The following ENPP6 variants were observed in gnomAD, a reference collection of about 807,000 sequenced individuals.
The protein encoded by ENPP6 is ectonucleotide pyrophosphatase/phosphodiesterase 6.
ENPP6 carries 32 observed loss-of-function variants against 42.0 expected under a neutral mutation model. The ratio of observed to expected loss-of-function variants is 0.76; its 90% CI spans 0.58 to 1.02. The LOEUF (loss-of-function observed/expected upper bound fraction) is 1.02. Ranked by LOEUF, ENPP6 falls within the 50% of genes least tolerant of loss-of-function variation. The pLI is 0.00. For missense variants in ENPP6, 552 were observed against 566.8 expected (o/e 0.97, Z 0.27); for synonymous variants, 213 against 216.0 (o/e 0.99, Z 0.12).
At chr4:184,093,974 A>G (rs17622534) in intron 7 of ENPP6, among the ~76,000 whole-genome samples, 55,930 of 151,966 alleles carry the variant, frequency 0.37, 11,199 homozygotes, top group East Asian at 0.62. Context: ...CAGGTGTCCC[A>G]CAGGCTTTCA....
chr4:184,118,791 T>G (rs1736367411), intron 3 of ENPP6, among the ~76,000 whole-genome samples: 1 of 152,148 alleles, frequency 6.6e-6, no homozygotes, highest in Admixed American at 6.5e-5. Context: ...CGAGTAGTCA[T>G]GCCTGCCCAC....
At chr4:184,206,288 C>T (rs878961470) in intron 1 of ENPP6, among the ~76,000 whole-genome samples, 3 of 109,160 alleles carry the variant, frequency 2.7e-5, no homozygotes, top group Admixed American at 1.2e-4. Flanking sequence ...GACGGAGTCT[C>T]GCTCTGTCGC....
At chr4:184,195,012 T>A (rs1579659656) in intron 1 of ENPP6, among the ~76,000 whole-genome samples, 1 of 78,496 alleles carries the variant, frequency 1.3e-5, no homozygotes, top group East Asian at 5.8e-4. Flanking sequence ...GGCTTGGGAG[T>A]CAGAGTCAGA....
intron 1 of ENPP6, among the ~76,000 whole-genome samples, chr4:184,177,261 C>T (rs967905231): frequency 1.3e-5 from 2 of 152,186 alleles, no homozygotes; most frequent in Non-Finnish European, 2.9e-5. Flanking sequence ...GGCCAGGCTA[C>T]CTCTTTAGGC....
chr4:184,120,187 G>T (rs1736393669), intron 3 of ENPP6, among the ~76,000 whole-genome samples: 1 of 152,136 alleles, frequency 6.6e-6, no homozygotes, highest in African/African-American at 2.4e-5. Flanking sequence ...CCTAGCCCCA[G>T]CCTGATTCCT....
At chr4:184,185,843 A>G (rs968870001) in intron 1 of ENPP6, among the ~76,000 whole-genome samples, 1 of 152,224 alleles carries the variant, frequency 6.6e-6, no homozygotes, top group Non-Finnish European at 1.5e-5. Context: ...ATTTCAAATA[A>G]TGTTCTAAGG....
chr4:184,160,305 AAACAT>A (rs1737239714), intron 1 of ENPP6, among the ~76,000 whole-genome samples: 1 of 151,678 alleles, frequency 6.6e-6, no homozygotes, highest in Non-Finnish European at 1.5e-5. Context: ...CACATCCAAC[AAACAT>A]ATATCATTTT....
intron 2 of ENPP6, among the ~76,000 whole-genome samples, chr4:184,133,872 A>ATT (rs33932621): frequency 0.43 from 62,220 of 145,700 alleles, 14,265 homozygotes; most frequent in Non-Finnish European, 0.53. Flanking sequence ...ATATTGATTG[A>ATT]TTTTTTTTTT....
Position 184,124,281 on chromosome 4 carries a change from G to C in ENPP6, c.422-9C>G, listed in dbSNP as rs201343416. 4.6e-5 allele frequency: 73 copies of C among 1,600,954 alleles called. No homozygotes were observed. The East Asian group carries it at 1.6e-3, about 35-fold the overall frequency. On this transcript the variant is annotated splice_polypyrimidine_tract_variant and intron_variant, in intron 2 of 7. Transcript: ENST00000296741. ...AATCTCAACCTCACAGCCTGAGAAG[G>C]AAAAAGATGGCAAATAGTTACTCTC...
chr4:184,089,339 G>C lies in ENPP6; in HGVS notation c.*1838C>G, dbSNP rs796705919. 1 of 152,186 alleles carries C rather than the reference G, an allele frequency of 6.6e-6. No individual in the cohort carries two copies. 9.4% of individuals were successfully genotyped at this position (152,186 alleles called of 1,614,324 possible). A position where few individuals can be genotyped will look rare whatever the true frequency, so the allele number is the denominator to read the frequency against. On this transcript the variant is annotated 3_prime_UTR_variant, in exon 8 of 8. Transcript: ENST00000296741. ...CCAGCTTTCCTGAATCAAGGTGAAC[G>C]TTGATATTCAGTTTTCAAGGTAACA...
At chr4:184,104,803 C>T (rs1391637733) in intron 6 of ENPP6, among the ~76,000 whole-genome samples, 2 of 152,210 alleles carry the variant, frequency 1.3e-5, no homozygotes, top group East Asian at 3.8e-4. Context: ...TCTACTGAGA[C>T]TCTACTGTGT....
intron 3 of ENPP6, among the ~76,000 whole-genome samples, chr4:184,122,890 A>G (rs1213380023): frequency 6.6e-6 from 1 of 152,070 alleles, no homozygotes; most frequent in East Asian, 1.9e-4. Flanking sequence ...TGCCAGCCCC[A>G]CTCATCTGCT....
At chr4:184,186,709 A>C (rs1376581157) in intron 1 of ENPP6, among the ~76,000 whole-genome samples, 1 of 152,180 alleles carries the variant, frequency 6.6e-6, no homozygotes, top group Admixed American at 6.5e-5. Context: ...ATTTAGGAAG[A>C]GCAGGAAGGG....
intron 6 of ENPP6, among the ~76,000 whole-genome samples, chr4:184,108,462 T>C (rs920481699): frequency 2.0e-5 from 3 of 152,196 alleles, no homozygotes; most frequent in African/African-American, 7.2e-5. Flanking sequence ...GAAACGAGGA[T>C]ATAGAATGGG....
intron 6 of ENPP6, among the ~76,000 whole-genome samples, chr4:184,112,345 G>A (rs1291437760): frequency 6.6e-6 from 1 of 152,206 alleles, no homozygotes; most frequent in Non-Finnish European, 1.5e-5. Flanking sequence ...CTGCCCTTGA[G>A]CAATTGCTTT....
chr4:184,126,001 C>T (rs1736497170), intron 2 of ENPP6, among the ~76,000 whole-genome samples: 1 of 152,156 alleles, frequency 6.6e-6, no homozygotes, highest in Non-Finnish European at 1.5e-5. Flanking sequence ...TAAGATATCA[C>T]CCACCCTTTA....
chr4:184,182,789 C>G (rs1732572754), intron 1 of ENPP6, among the ~76,000 whole-genome samples: 1 of 152,134 alleles, frequency 6.6e-6, no homozygotes, highest in African/African-American at 2.4e-5. Context: ...TTCTCACTTA[C>G]AAGTGGGAGC....
intron 2 of ENPP6, among the ~76,000 whole-genome samples, chr4:184,133,263 C>T (rs1736673791): frequency 6.6e-6 from 1 of 152,064 alleles, no homozygotes; most frequent in African/African-American, 2.4e-5. Flanking sequence ...AATACTAAGA[C>T]TACCAGTTTA....
chr4:184,153,511 T>C, intron 2 of ENPP6, 43 bp downstream of exon 2: 1 of 1,577,714 alleles, frequency 6.3e-7, no homozygotes, highest in Non-Finnish European at 8.6e-7. Context: ...CCTCAGAGAC[T>C]CTATGATGAT....
Sources: allele counts gnomAD v4.1 joint callset (sites outside exome capture counted in the v4.1 genomes callset), GRCh38; gene constraint gnomAD v4.1.1; transcripts MANE v1.5; gene names NCBI Gene and HGNC (gene_info 2026-07-23, HGNC 2026-07-21).